The following NXPH1 variants were observed in gnomAD, a reference collection of about 807,000 sequenced individuals.
NXPH1 encodes the protein neurexophilin 1.
Under a neutral mutation model 23.7 loss-of-function variants are expected in NXPH1, and 5 were observed. That is an observed-to-expected ratio of 0.21 (90% CI 0.11 to 0.44). The LOEUF is 0.44. Among genes scored for constraint, NXPH1 ranks in the 20% least tolerant of loss-of-function variants. The pLI, the probability that NXPH1 is intolerant of heterozygous loss-of-function variation, is 0.99. For missense variants in NXPH1, 324 were observed against 321.6 expected (o/e 1.01, Z -0.06); for synonymous variants, 144 against 122.2 (o/e 1.18, Z -1.18).
intron 2 of NXPH1, among the ~76,000 whole-genome samples, chr7:8,729,837 C>G (rs887917242): frequency 3.3e-5 from 5 of 151,512 alleles, no homozygotes; most frequent in African/African-American, 1.2e-4. Context: ...GTGGAGAGTT[C>G]TGTAGATGTC....
chr7:8,650,065 T>A (rs937374115), intron 2 of NXPH1, among the ~76,000 whole-genome samples: 2 of 152,188 alleles, frequency 1.3e-5, no homozygotes, highest in Non-Finnish European at 2.9e-5. Context: ...TGCTGCTATT[T>A]CTGGACAGTT....
intron 2 of NXPH1, among the ~76,000 whole-genome samples, chr7:8,491,975 A>G (rs1244381038): frequency 6.6e-6 from 1 of 152,018 alleles, no homozygotes; most frequent in Non-Finnish European, 1.5e-5. Context: ...TACAACACAC[A>G]GTAAAACTCC....
chr7:8,681,600 A>G (rs11984180), intron 2 of NXPH1, among the ~76,000 whole-genome samples: 43,683 of 152,144 alleles, frequency 0.29, 10,888 homozygotes, highest in African/African-American at 0.67. Context: ...TGTGCATGTA[A>G]AGGGCAATTA....
At chr7:8,528,126 G>A (rs1490011002) in intron 2 of NXPH1, among the ~76,000 whole-genome samples, 2 of 152,238 alleles carry the variant, frequency 1.3e-5, no homozygotes, top group African/African-American at 4.8e-5. Flanking sequence ...GGAGAGAGGA[G>A]TGGGGAAGTG....
At chr7:8,711,809 C>A (rs1779800277) in intron 2 of NXPH1, among the ~76,000 whole-genome samples, 1 of 152,078 alleles carries the variant, frequency 6.6e-6, no homozygotes, top group Non-Finnish European at 1.5e-5. Flanking sequence ...GAACTGAATG[C>A]CAGGGTAAGC....
intron 2 of NXPH1, among the ~76,000 whole-genome samples, chr7:8,693,623 G>A (rs373089466): frequency 6.6e-6 from 1 of 152,176 alleles, no homozygotes; most frequent in African/African-American, 2.4e-5. Context: ...TATTTTTGAA[G>A]GTTCATTGTT....
intron 2 of NXPH1, among the ~76,000 whole-genome samples, chr7:8,492,843 G>C (rs1817272281): frequency 6.6e-6 from 1 of 151,974 alleles, no homozygotes; most frequent in African/African-American, 2.4e-5. Flanking sequence ...GCATTTACTA[G>C]TTTATCCCCT....
chr7:8,523,533 C>A (rs1398744340), intron 2 of NXPH1, among the ~76,000 whole-genome samples: 1 of 152,168 alleles, frequency 6.6e-6, no homozygotes, highest in East Asian at 1.9e-4. Flanking sequence ...TCTGAATGTT[C>A]TAAATGTTCT....
intron 2 of NXPH1, among the ~76,000 whole-genome samples, chr7:8,517,292 T>C (rs1445955262): frequency 2.6e-5 from 4 of 151,546 alleles, no homozygotes; most frequent in Admixed American, 2.6e-4. Context: ...TGTCTAGAAA[T>C]TGGGACTAAA....
intron 2 of NXPH1, among the ~76,000 whole-genome samples, chr7:8,478,515 T>C (rs1817014732): frequency 6.6e-6 from 1 of 152,046 alleles, no homozygotes; most frequent in Non-Finnish European, 1.5e-5. Flanking sequence ...AGTAAAGTTT[T>C]TGTAAAGAAA....
At chr7:8,608,489 G>A (rs888998220) in intron 2 of NXPH1, among the ~76,000 whole-genome samples, 4 of 151,980 alleles carry the variant, frequency 2.6e-5, no homozygotes, top group Non-Finnish European at 4.4e-5. Flanking sequence ...GTGATGTGTC[G>A]CCATGCCCAG....
Position 8,747,087 on chromosome 7 carries a change from T to A in NXPH1, c.55-3921T>A, listed in dbSNP as rs565422476. On this transcript the variant is annotated intron_variant, in intron 2 of 2. Transcript: ENST00000405863. ...AGTAATTTGAATGGAGTGCCCTATT[T>A]AATCCTCACAACAGCCCTGTGAAGA... Among the ~76,000 whole-genome samples the A allele has an allele frequency of 1.4e-3, 206 of 152,268 alleles. 2 individuals carry two copies. In the Middle Eastern group the frequency reaches 0.031, roughly 23 times the overall value.
rs758351588 is a variant in NXPH1, at chr7:8,752,088, A to T, written c.*319A>T. On this transcript the variant is annotated 3_prime_UTR_variant, in exon 3 of 3. Coordinates refer to ENST00000405863, the MANE Select transcript of NXPH1 (RefSeq NM_152745.3). The stretch of plus-strand genomic sequence containing the variant: ...CATGATTCCTGTTGAGAGGGCTTTC[A>T]TTGTCTGACTCATAATGGTTCAGGA... 1 of 246,300 alleles carries T rather than the reference A, an allele frequency of 4.1e-6. No homozygotes were observed. Among genetic ancestry groups the T allele is most frequent in the Non-Finnish European group, 8.0e-6 (1 of 125,304 alleles). 15.3% of individuals were successfully genotyped at this position (246,300 alleles called of 1,614,324 possible).
chr7:8,492,251 G>C (rs1451210191), intron 2 of NXPH1, among the ~76,000 whole-genome samples: 1 of 151,992 alleles, frequency 6.6e-6, no homozygotes, highest in Non-Finnish European at 1.5e-5. Flanking sequence ...GTTTTGACGT[G>C]CTAATCTTGT....
intron 2 of NXPH1, among the ~76,000 whole-genome samples, chr7:8,557,891 G>A (rs1177616262): frequency 1.3e-5 from 2 of 151,542 alleles, no homozygotes; most frequent in Non-Finnish European, 3.0e-5. Flanking sequence ...ATCAATCCAG[G>A]CAATTGCTTC....
At chr7:8,528,501 G>A (rs1369104309) in intron 2 of NXPH1, among the ~76,000 whole-genome samples, 1 of 152,238 alleles carries the variant, frequency 6.6e-6, no homozygotes, top group Non-Finnish European at 1.5e-5. Context: ...CACAGATGAA[G>A]TGCAAGGCAT....
intron 2 of NXPH1, among the ~76,000 whole-genome samples, chr7:8,489,430 A>G (rs1817212626): frequency 6.6e-6 from 1 of 152,112 alleles, no homozygotes; most frequent in African/African-American, 2.4e-5. Context: ...CTAAGTGTGT[A>G]TGATGTGCCA....
chr7:8,471,004 T>C (rs192400897), intron 2 of NXPH1, among the ~76,000 whole-genome samples: 123 of 152,210 alleles, frequency 8.1e-4, no homozygotes, highest in Non-Finnish European at 1.6e-3. Flanking sequence ...AGTGAACAGC[T>C]AATTGGAACT....
At chr7:8,511,794 C>T (rs1381805401) in intron 2 of NXPH1, among the ~76,000 whole-genome samples, 1 of 152,140 alleles carries the variant, frequency 6.6e-6, no homozygotes, top group East Asian at 1.9e-4. Context: ...AGTTTGTAGA[C>T]CCTACTGAAG....
Sources: allele counts gnomAD v4.1 joint callset (sites outside exome capture counted in the v4.1 genomes callset), GRCh38; gene constraint gnomAD v4.1.1; transcripts MANE v1.5; gene names NCBI Gene and HGNC (gene_info 2026-07-23, HGNC 2026-07-21).